The following HELZ variants were observed in gnomAD, a reference collection of about 807,000 sequenced individuals.
The protein encoded by HELZ is ATP-dependent RNA helicase with zinc finger domain.
A neutral mutation model predicts 218.2 loss-of-function variants in HELZ; 23 were observed. The observed-to-expected ratio is 0.11, with a 90% CI of 0.08 to 0.15. HELZ has a LOEUF of 0.15. Ranked by LOEUF, HELZ falls within the 10% of genes least tolerant of loss-of-function variation. The pLI is 1.00. For synonymous variants in HELZ, 814 were observed against 829.4 expected, an observed-to-expected ratio of 0.98 and a Z score of 0.32; for missense variants, 1,813 against 2,353.7, an observed-to-expected ratio of 0.77 and a Z score of 4.75.
chr17:67,122,808 G>A (rs934294581), intron 26 of HELZ, among the ~76,000 whole-genome samples, 162 bp downstream of exon 26: 7 of 152,118 alleles, frequency 4.6e-5, no homozygotes, highest in African/African-American at 1.7e-4. Flanking sequence ...GCAACAATTC[G>A]TAATTTCAAG....
intron 31 of HELZ, among the ~76,000 whole-genome samples, chr17:67,092,937 C>CCA (rs1028619990): frequency 4.5e-4 from 68 of 152,042 alleles, no homozygotes; most frequent in African/African-American, 1.5e-3. Flanking sequence ...CACTGCACTC[C>CCA]CACCTGGGTG....
At chr17:67,084,154 G>A (rs1345679414) in intron 32 of HELZ, among the ~76,000 whole-genome samples, 1 of 152,146 alleles carries the variant, frequency 6.6e-6, no homozygotes, top group Non-Finnish European at 1.5e-5. Flanking sequence ...CAGGACACTC[G>A]TGATTTGAAT....
chr17:67,095,170 A>G (rs1218496164), intron 31 of HELZ, among the ~76,000 whole-genome samples: 1 of 152,178 alleles, frequency 6.6e-6, no homozygotes. Flanking sequence ...TGTCATTTCA[A>G]CAATGTTCAC....
intron 32 of HELZ, among the ~76,000 whole-genome samples, chr17:67,086,475 G>A (rs1006087102): frequency 2.0e-5 from 3 of 151,328 alleles, no homozygotes; most frequent in Non-Finnish European, 2.9e-5. Flanking sequence ...CAGCTACTTG[G>A]GGGGCTGAGG....
intron 15 of HELZ, among the ~76,000 whole-genome samples, chr17:67,163,557 C>G (rs1376775998): frequency 1.3e-5 from 2 of 150,852 alleles, no homozygotes; most frequent in African/African-American, 5.0e-5. Flanking sequence ...CACCACCACG[C>G]TCGGCTAATT....
rs2038979580 is a variant in HELZ, at chr17:67,160,999, G to A, written c.1973C>T (p.Ala658Val). The change falls in exon 16 of 33, where the codon GCA becomes GTA. Residue 658 changes from alanine to valine, a missense_variant. Physicochemically the swap from Ala to Val is moderately conservative, Grantham distance 64 (BLOSUM62 0). This residue lies in a region of HELZ where 714 missense variants were observed against 1,029.2 expected (regional missense o/e 0.69). Coordinates refer to ENST00000358691, the MANE Select transcript of HELZ (RefSeq NM_014877.4). Reference sequence around the variant, plus strand: ...GATAAGCACAGGCGGCAGCTGGATTGCAAGTGGAGTGGTAATGGCCAGAAC... The same window carrying A: ...GATAAGCACAGGCGGCAGCTGGATTACAAGTGGAGTGGTAATGGCCAGAAC... ...EAVLAITTPL[A>V]IQLPPVLIIG... 5 of 1,613,716 alleles carry A rather than the reference G, an allele frequency of 3.1e-6. No homozygotes were observed. Among genetic ancestry groups the A allele is most frequent in the Non-Finnish European group, 4.2e-6 (5 of 1,179,840 alleles).
chr17:67,213,618 C>T (rs893313053), intron 5 of HELZ, among the ~76,000 whole-genome samples: 1 of 151,906 alleles, frequency 6.6e-6, no homozygotes, highest in Non-Finnish European at 1.5e-5. Context: ...GAGACTCCAT[C>T]TCAAAAAAAA....
Position 67,078,601 on chromosome 17 carries a change from C to T in HELZ, c.5495-15G>A. On this transcript the variant is annotated splice_polypyrimidine_tract_variant and intron_variant, in intron 32 of 32. Transcript: ENST00000358691. ...CTTGGGTGGCGCTAAAAGCAGAGAA[C>T]AGTGACACAGATTTAAGGATGAGCC... 1 of 1,454,608 alleles carries T rather than the reference C, an allele frequency of 6.9e-7. No homozygotes were observed. Among genetic ancestry groups the T allele is most frequent in the Non-Finnish European group, 9.1e-7 (1 of 1,099,772 alleles). The allele number at this position is 1,454,608 out of a possible 1,614,324, so 90.1% of individuals were successfully genotyped here.
intron 5 of HELZ, among the ~76,000 whole-genome samples, chr17:67,211,571 A>C (rs1275314966): frequency 1.3e-5 from 2 of 152,196 alleles, no homozygotes; most frequent in East Asian, 3.8e-4. Flanking sequence ...ATTAAAAAAG[A>C]AATAATGGGC....
intron 18 of HELZ, 145 bp from the exon 19 acceptor site, chr17:67,150,130 C>CTTTTTTTTT (rs11408678): frequency 2.7e-4 from 48 of 180,116 alleles, no homozygotes; most frequent in South Asian, 5.1e-4. Context: ...TATTTTCTTT[C>CTTTTTTTTT]TTTTTTTTTT....
chr17:67,110,922 T>G (rs1327677903), intron 28 of HELZ, among the ~76,000 whole-genome samples: 3 of 152,180 alleles, frequency 2.0e-5, no homozygotes, highest in Non-Finnish European at 4.4e-5. Flanking sequence ...AGGATGCAAC[T>G]GTAGTGCCTG....
At chr17:67,214,231 T>A (rs2040531099) in intron 5 of HELZ, among the ~76,000 whole-genome samples, 1 of 151,310 alleles carries the variant, frequency 6.6e-6, no homozygotes, top group Non-Finnish European at 1.5e-5. Context: ...GGTCACAGAA[T>A]CTTTAATGAA....
At chr17:67,101,609 T>C (rs1018003709) in intron 31 of HELZ, among the ~76,000 whole-genome samples, 6 of 152,186 alleles carry the variant, frequency 3.9e-5, no homozygotes, top group Non-Finnish European at 8.8e-5. Flanking sequence ...AAAAATTACC[T>C]TTGAAAAATC....
intron 3 of HELZ, among the ~76,000 whole-genome samples, chr17:67,226,280 G>GAAA (rs893091143): frequency 2.3e-3 from 314 of 135,094 alleles, no homozygotes; most frequent in Admixed American, 4.7e-3. Flanking sequence ...AAGAAAAAAG[G>GAAA]AAAAAAAAAA....
At chr17:67,226,191 G>A (rs1325274141) in intron 3 of HELZ, among the ~76,000 whole-genome samples, 7 of 150,638 alleles carry the variant, frequency 4.6e-5, no homozygotes, top group Non-Finnish European at 8.9e-5. Flanking sequence ...CACAGGAGGC[G>A]GAGGTTGCAG....
In HELZ at chr17:67,078,584, G is replaced by C; in HGVS notation, c.5497C>G (p.Pro1833Ala). The C allele has an allele frequency of 6.8e-7, 1 of 1,472,770 alleles. No individual in the cohort carries two copies. Among genetic ancestry groups the C allele is most frequent in the African/African-American group, 1.4e-5 (1 of 70,396 alleles). 91.2% of individuals were successfully genotyped at this position (1,472,770 alleles called of 1,614,324 possible). A position where few individuals can be genotyped will look rare whatever the true frequency, so the allele number is the denominator to read the frequency against. The change falls in exon 33 of 33, where the codon CCA becomes GCA. Residue 1833 changes from proline (P) to alanine (A), a missense_variant and splice_region_variant. By Grantham distance (27) the Pro-to-Ala change is conservative (BLOSUM62 -1). Coordinates refer to ENST00000358691, the MANE Select transcript of HELZ (RefSeq NM_014877.4). ...RTAQPRELIA[P>A]PKTVKPPEDQ... The stretch of plus-strand genomic sequence containing the variant: ...TCAGGGGGTTTGACAGTCTTGGGTG[G>C]CGCTAAAAGCAGAGAACAGTGACAC...
chr17:67,211,251 T>C (rs2040442356), intron 5 of HELZ, among the ~76,000 whole-genome samples: 2 of 152,154 alleles, frequency 1.3e-5, no homozygotes, highest in South Asian at 2.1e-4. Context: ...AAAAAAAAAC[T>C]TTGGGGACAG....
At chr17:67,202,587 T>C (rs2040196105) in intron 6 of HELZ, among the ~76,000 whole-genome samples, 1 of 152,220 alleles carries the variant, frequency 6.6e-6, no homozygotes, top group Non-Finnish European at 1.5e-5. Flanking sequence ...GTTATGGATA[T>C]TACTTACACA....
At chr17:67,123,885 CTCT>C in intron 25 of HELZ, 75 bp downstream of exon 25, 2 of 930,086 alleles carry the variant, frequency 2.2e-6, no homozygotes, top group Non-Finnish European at 3.6e-6. Context: ...CCCCACCCTC[CTCT>C]TTCTTGTGGT....
Sources: allele counts gnomAD v4.1 joint callset (sites outside exome capture counted in the v4.1 genomes callset), GRCh38; gene constraint gnomAD v4.1.1; regional missense constraint gnomAD v4.1.1; transcripts MANE v1.5; gene names NCBI Gene and HGNC (gene_info 2026-07-23, HGNC 2026-07-21).